GALNT13: variants seen among roughly 807,000 people sequenced by gnomAD.
GALNT13 encodes UDP-GalNAc:polypeptide N-acetylgalactosaminyltransferase 13.
In GALNT13, 28 loss-of-function variants were observed where a neutral mutation model predicts 64.2. The ratio of observed to expected loss-of-function variants is 0.44; its 90% CI spans 0.32 to 0.60. The LOEUF is 0.60. Among genes scored for constraint, GALNT13 ranks in the 20% least tolerant of loss-of-function variants. The pLI is 0.05. For missense variants in GALNT13, 577 were observed against 669.8 expected (o/e 0.86, Z 1.53); for synonymous variants, 214 against 224.6 (o/e 0.95, Z 0.42).
At chr2:154,314,345 G>T (rs7566164) in intron 9 of GALNT13, among the ~76,000 whole-genome samples, 58,108 of 151,932 alleles carry the variant, frequency 0.38, 12,715 homozygotes, top group Admixed American at 0.52. Context: ...GGTGTAGGTG[G>T]TTACACATTG....
chr2:154,300,611 G>GTATTT (rs1384287293), intron 8 of GALNT13, among the ~76,000 whole-genome samples: 7 of 151,458 alleles, frequency 4.6e-5, no homozygotes, highest in Non-Finnish European at 1.0e-4. Flanking sequence ...TTGTGTGTAT[G>GTATTT]CACATATATA....
chr2:153,519,835 T>G, the GALNT13 span, among the ~76,000 whole-genome samples: 1 of 152,186 alleles, frequency 6.6e-6, no homozygotes, highest in Non-Finnish European at 1.5e-5. Flanking sequence ...TGGGTTTGTT[T>G]TAGCACTTCA....
chr2:153,688,342 A>G, the GALNT13 span, among the ~76,000 whole-genome samples: 4 of 152,034 alleles, frequency 2.6e-5, no homozygotes, highest in Non-Finnish European at 2.9e-5. Flanking sequence ...GAACATGAAT[A>G]GCTTCAGAGG....
chr2:153,485,492 A>G, the GALNT13 span, among the ~76,000 whole-genome samples: 42 of 152,240 alleles, frequency 2.8e-4, no homozygotes, highest in Non-Finnish European at 5.4e-4. Flanking sequence ...ATTTATGTGT[A>G]AGATAGGTTT....
chr2:153,997,027 CT>C (rs1695565814), intron 3 of GALNT13, among the ~76,000 whole-genome samples: 1 of 151,932 alleles, frequency 6.6e-6, no homozygotes, highest in South Asian at 2.1e-4. Context: ...TTCTGTTGGT[CT>C]TTGTGTCTGT....
intron 10 of GALNT13, among the ~76,000 whole-genome samples, chr2:154,397,549 T>C (rs1019163171): frequency 1.3e-5 from 2 of 152,228 alleles, no homozygotes; most frequent in Admixed American, 6.5e-5. Flanking sequence ...TATCTGAAAA[T>C]GTATATGGTT....
At chr2:154,401,612 T>C (rs1699307354) in intron 10 of GALNT13, among the ~76,000 whole-genome samples, 1 of 152,154 alleles carries the variant, frequency 6.6e-6, no homozygotes, top group Non-Finnish European at 1.5e-5. Flanking sequence ...TTTTTTTAAC[T>C]TCATATTTCT....
At chr2:154,097,556 T>C (rs2105454399) in intron 3 of GALNT13, among the ~76,000 whole-genome samples, 1 of 152,178 alleles carries the variant, frequency 6.6e-6, no homozygotes, top group African/African-American at 2.4e-5. Flanking sequence ...AGAAATATTT[T>C]GCAACTTAAA....
chr2:153,515,390 T>C, the GALNT13 span, among the ~76,000 whole-genome samples: 7 of 152,332 alleles, frequency 4.6e-5, no homozygotes, highest in African/African-American at 1.4e-4. Flanking sequence ...CAAGTCCCTT[T>C]GCTCTGAAAA....
rs535808725 is a variant in GALNT13, at chr2:154,174,461, A to G, written c.311+33956A>G. Among the ~76,000 whole-genome samples, 344 of 152,268 alleles carry G rather than the reference A, an allele frequency of 2.3e-3. 2 individuals carry two copies. The highest frequency in any genetic ancestry group is 7.9e-3 in the African/African-American group (327 of 41,576). ...TATTAAATTCAGGTAGATAAATCTG[A>G]GGATTTTTTAAGCTAACATAACAGT... is the stretch of plus-strand genomic sequence containing the variant. On this transcript the variant is annotated intron_variant, in intron 4 of 12. Coordinates refer to ENST00000392825, the MANE Select transcript of GALNT13 (RefSeq NM_052917.4).
the GALNT13 span, among the ~76,000 whole-genome samples, chr2:153,608,276 C>T: frequency 1.2e-4 from 18 of 152,170 alleles, no homozygotes; most frequent in South Asian, 2.1e-4. Context: ...TACATTTCTT[C>T]GAGGGCTTAA....
At chr2:153,252,981 A>C in the GALNT13 span, among the ~76,000 whole-genome samples, 1 of 151,662 alleles carries the variant, frequency 6.6e-6, no homozygotes, top group Non-Finnish European at 1.5e-5. Flanking sequence ...ATGAACTTTA[A>C]AGTAGTTTTT....
the GALNT13 span, among the ~76,000 whole-genome samples, chr2:153,503,323 T>C: frequency 6.6e-6 from 1 of 152,262 alleles, no homozygotes; most frequent in Non-Finnish European, 1.5e-5. Flanking sequence ...TAGCACCATT[T>C]GTTGAATAGG....
At chr2:153,388,013 T>C in the GALNT13 span, among the ~76,000 whole-genome samples, 8 of 108,038 alleles carry the variant, frequency 7.4e-5, no homozygotes, top group East Asian at 2.7e-4. Context: ...GTGGAATGAG[T>C]GGAAGGAAGG....
intron 3 of GALNT13, among the ~76,000 whole-genome samples, chr2:154,065,178 T>C (rs1242307032): frequency 1.3e-5 from 2 of 152,084 alleles, no homozygotes; most frequent in Non-Finnish European, 2.9e-5. Context: ...GGAAGGACTT[T>C]GTCTTGTGGT....
the GALNT13 span, among the ~76,000 whole-genome samples, chr2:153,582,142 CA>C: frequency 6.6e-6 from 1 of 152,002 alleles, no homozygotes; most frequent in Non-Finnish European, 1.5e-5. Flanking sequence ...GGATATTTAC[CA>C]AAATATTACT....
chr2:154,059,409 T>G (rs1490674439), intron 3 of GALNT13, among the ~76,000 whole-genome samples: 1 of 152,232 alleles, frequency 6.6e-6, no homozygotes, highest in African/African-American at 2.4e-5. Flanking sequence ...ATTCAAGTGA[T>G]AATAATTTAC....
chr2:153,586,537 A>T, the GALNT13 span, among the ~76,000 whole-genome samples: 1 of 152,304 alleles, frequency 6.6e-6, no homozygotes, highest in Middle Eastern at 3.4e-3. Context: ...ATTTGCAAAC[A>T]AATATTACTA....
At chr2:154,233,326 G>A (rs955344257) in intron 4 of GALNT13, among the ~76,000 whole-genome samples, 5 of 152,062 alleles carry the variant, frequency 3.3e-5, no homozygotes, top group Non-Finnish European at 5.9e-5. Context: ...AGTTTGGGAT[G>A]GGTAGACATA....
Sources: allele counts gnomAD v4.1 joint callset (sites outside exome capture counted in the v4.1 genomes callset), GRCh38; gene constraint gnomAD v4.1.1; transcripts MANE v1.5; gene names NCBI Gene and HGNC (gene_info 2026-07-23, HGNC 2026-07-21).